Variants in KIF20B observed in about 807,000 individuals in gnomAD.
The protein encoded by KIF20B is kinesin-like protein KIF20B.
A neutral mutation model predicts 232.5 loss-of-function variants in KIF20B; 188 were observed. The observed-to-expected ratio is 0.81, with a 90% CI of 0.72 to 0.91. The LOEUF is 0.91. Ranked by LOEUF, KIF20B falls within the 40% of genes least tolerant of loss-of-function variation. The pLI, the probability that KIF20B is intolerant of heterozygous loss-of-function variation, is 0.00. For synonymous variants in KIF20B, 712 were observed against 683.0 expected (o/e 1.04, Z -0.66); for missense variants, 2,154 against 2,055.9 (o/e 1.05, Z -0.92).
chr10:89,714,200 G>C lies in KIF20B; in HGVS notation c.712+117G>C. 1.0e-5 allele frequency: 5 copies of C among 483,634 alleles called. No homozygotes were observed. In the South Asian group the frequency reaches 2.5e-4, roughly 24 times the overall value. The allele number at this position is 483,634 out of a possible 1,614,324, so 30.0% of individuals were successfully genotyped here. Reference sequence around the variant, plus strand: ...ATTTTTATTATTAAAAAATTTTTAGGCTGGGCGCGGTGGCTCATGCCTGTA... The same window carrying C: ...ATTTTTATTATTAAAAAATTTTTAGCCTGGGCGCGGTGGCTCATGCCTGTA... On this transcript the variant is annotated intron_variant, in intron 7 of 32. Coordinates refer to ENST00000371728, the MANE Select transcript of KIF20B (RefSeq NM_001284259.2).
At position 89,718,843 on chromosome 10, in the gene KIF20B, G is replaced by A; in HGVS notation, c.1405G>A (p.Val469Ile). 6.3e-7 allele frequency: 1 copy of A among 1,586,772 alleles called. No homozygotes were observed. Among genetic ancestry groups the A allele is most frequent in the Non-Finnish European group, 8.6e-7 (1 of 1,167,770 alleles). The part of the protein sequence containing the change: ...CYLAYDETLN[V>I]LKFSAIAQKV... ...TTTAGCCTATGATGAAACACTCAAT[G>A]TATTGAAGTTCTCCGCCATTGCACA... Residue 469 changes from valine (V) to isoleucine (I), a missense_variant, in exon 12 of 33, where the codon GTA (valine) becomes ATA (isoleucine). Transcript: ENST00000371728.
chr10:89,709,189 AT>A lies in KIF20B; in HGVS notation c.172del (p.Tyr58IlefsTer8), dbSNP rs1564656785. ...AAGGCAAACAGTTTCGAATCTAAAG[AT>A]TATCTCCAGGTTTGTCTTCGAATAA... ...NTEANSFESK[D>X]YLQVCLRIRP... On this transcript the variant is annotated frameshift_variant, in exon 3 of 33. Coordinates refer to ENST00000371728, the MANE Select transcript of KIF20B (RefSeq NM_001284259.2). LOFTEE classifies it high-confidence loss of function. 13 of 1,608,538 alleles carry A rather than the reference AT, an allele frequency of 8.1e-6. No individual in the cohort carries two copies. The highest frequency in any genetic ancestry group is 1.0e-5 in the Non-Finnish European group (12 of 1,176,394).
Position 89,738,614 on chromosome 10 carries a change from A to G in KIF20B, c.3773A>G (p.Glu1258Gly), listed in dbSNP as rs1234625222. The G allele has an allele frequency of 6.5e-7, 1 of 1,548,536 alleles. No homozygotes were observed. The highest frequency in any genetic ancestry group is 1.2e-5 in the South Asian group (1 of 80,080). The change falls in exon 20 of 33, where the codon GAA becomes GGA. Residue 1258 changes from glutamate (E) to glycine (G), a missense_variant. Transcript: ENST00000371728. Reference protein sequence around the residue: ...EEEETNRQETEKLKEELSASS... With the variant: ...EEEETNRQETGKLKEELSASS... ...GAAGAAACCAACAGGCAAGAAACAG[A>G]AAAGTAAGCTAAATGTTATTCAAAA...
chr10:89,728,730 C>G (rs1176376992), intron 17 of KIF20B, among the ~76,000 whole-genome samples: 1 of 151,960 alleles, frequency 6.6e-6, no homozygotes, highest in East Asian at 1.9e-4. Flanking sequence ...TCTCAAACTC[C>G]TGACTTCAGG....
chr10:89,758,841 A>G lies in KIF20B; in HGVS notation c.4639A>G (p.Ile1547Val). 1.9e-6 allele frequency: 3 copies of G among 1,597,102 alleles called. No individual in the cohort carries two copies. Among genetic ancestry groups the G allele is most frequent in the Non-Finnish European group, 2.6e-6 (3 of 1,172,350 alleles). Residue 1547 changes from isoleucine to valine, a missense_variant, in exon 27 of 33, where the codon ATT becomes GTT. Ile to Val is a conservative substitution (Grantham distance 29, BLOSUM62 3). Transcript: ENST00000371728. Reference sequence around the variant, plus strand: ...CAGTAATGTACAGAAAGATAATGAAATTGAACAACTAAAAAGGATCATATC... The same window carrying G: ...CAGTAATGTACAGAAAGATAATGAAGTTGAACAACTAAAAAGGATCATATC... ...ISSNVQKDNE[I>V]EQLKRIISET...
chr10:89,729,010 G>T, intron 17 of KIF20B, 118 bp from the exon 18 acceptor site: 4 of 946,154 alleles, frequency 4.2e-6, no homozygotes, highest in South Asian at 2.1e-5. Context: ...CCACTGATTA[G>T]CTTTATTTAA....
chr10:89,743,714 GA>G, intron 21 of KIF20B, 93 bp from the exon 22 acceptor site: 1 of 796,096 alleles, frequency 1.3e-6, no homozygotes, highest in South Asian at 2.4e-5. Flanking sequence ...TAAAGGATGT[GA>G]ATCTTTGAAC....
intron 18 of KIF20B, among the ~76,000 whole-genome samples, chr10:89,731,708 G>A (rs1843323985): frequency 6.6e-6 from 1 of 152,100 alleles, no homozygotes; most frequent in Admixed American, 6.6e-5. Context: ...CCAAGGATCG[G>A]GGAAGGAACA....
At chr10:89,758,906 CTTT>C (rs747612412) in intron 27 of KIF20B, 24 bp downstream of exon 27, 46 of 1,396,590 alleles carry the variant, frequency 3.3e-5, no homozygotes, top group Admixed American at 9.9e-5. Flanking sequence ...TTTGCTATGC[CTTT>C]TTAATTGAAC....
intron 18 of KIF20B, 94 bp from the exon 19 acceptor site, chr10:89,732,809 A>T: frequency 8.8e-7 from 1 of 1,131,664 alleles, no homozygotes; most frequent in Non-Finnish European, 1.2e-6. Flanking sequence ...TGAAAATAAA[A>T]TTTTTATGGT....
intron 1 of KIF20B, among the ~76,000 whole-genome samples, chr10:89,703,972 C>T (rs11813204): frequency 0.2 from 30,756 of 151,962 alleles, 3,230 homozygotes; most frequent in South Asian, 0.28. Context: ...AGGAGGGTCT[C>T]GATCTCCTGA....
At chr10:89,773,138 C>T (rs72818781) in intron 32 of KIF20B, among the ~76,000 whole-genome samples, 25,972 of 151,654 alleles carry the variant, frequency 0.17, 2,634 homozygotes, top group Non-Finnish European at 0.24. Flanking sequence ...TTTTAAATCA[C>T]GGGAGTTGTA....
chr10:89,738,761 A>C, intron 20 of KIF20B, 144 bp downstream of exon 20: 3 of 1,207,456 alleles, frequency 2.5e-6, no homozygotes, highest in Non-Finnish European at 3.3e-6. Context: ...TGTCCATATA[A>C]ACCTTTGGAC....
chr10:89,752,121 A>G (rs958409040), intron 24 of KIF20B, among the ~76,000 whole-genome samples: 8 of 152,172 alleles, frequency 5.3e-5, no homozygotes, highest in South Asian at 4.1e-4. Context: ...ATTCTTATCA[A>G]GATCAGATGA....
intron 26 of KIF20B, among the ~76,000 whole-genome samples, chr10:89,755,196 A>G (rs1487337525): frequency 6.6e-6 from 1 of 152,236 alleles, no homozygotes; most frequent in African/African-American, 2.4e-5. Flanking sequence ...GCTAAACGTT[A>G]TCGTTAATCC....
At chr10:89,754,104 TA>T (rs1228134303) in intron 25 of KIF20B, among the ~76,000 whole-genome samples, 3 of 151,176 alleles carry the variant, frequency 2.0e-5, no homozygotes, top group African/African-American at 7.3e-5. Context: ...TTGCACAAGT[TA>T]TTTTTTATTT....
rs2133085880 is a variant in KIF20B at position 89,711,015 on chromosome 10, G to A, written c.545G>A (p.Ser182Asn). 6.2e-7 allele frequency: 1 copy of A among 1,609,136 alleles called. No individual in the cohort carries two copies. The highest frequency in any genetic ancestry group is 8.5e-7 in the Non-Finnish European group (1 of 1,178,394). Residue 182 changes from serine (S) to asparagine (N), a missense_variant, in exon 6 of 33, where the codon AGT (serine) becomes AAT (asparagine). By Grantham distance (46) the Ser-to-Asn change is conservative. Transcript: ENST00000371728. Reference sequence around the variant, plus strand: ...CGAACTTTGAATGTATTATTTGATAGTCTTCAAGAAAGACTGTATACAAAG... The same window carrying A: ...CGAACTTTGAATGTATTATTTGATAATCTTCAAGAAAGACTGTATACAAAG... ...LPRTLNVLFD[S>N]LQERLYTKMN...
At chr10:89,718,289 C>T (rs1032521187) in intron 11 of KIF20B, among the ~76,000 whole-genome samples, 3 of 151,806 alleles carry the variant, frequency 2.0e-5, no homozygotes, top group Non-Finnish European at 2.9e-5. Flanking sequence ...TTTTGGAGGC[C>T]GAGGCAGGAG....
At chr10:89,723,726 C>A in intron 13 of KIF20B, 2 of 273,076 alleles carry the variant, frequency 7.3e-6, no homozygotes, top group Non-Finnish European at 6.6e-6. Context: ...CTTAGTATAG[C>A]TAAACAGTGA....
Sources: gnomAD v4.1 joint callset for allele counts (sites outside exome capture counted in the v4.1 genomes callset) on GRCh38, gnomAD v4.1.1 for gene constraint, MANE v1.5 for transcripts, NCBI Gene and HGNC (gene_info 2026-07-23, HGNC 2026-07-21) for gene names.